ANKRD6: variants seen among roughly 807,000 people sequenced by gnomAD.
The protein encoded by ANKRD6 is ankyrin repeat domain 6.
Under a neutral mutation model 82.3 loss-of-function variants are expected in ANKRD6, and 56 were observed. The ratio of observed to expected loss-of-function variants is 0.68; its 90% CI spans 0.55 to 0.85. The LOEUF (loss-of-function observed/expected upper bound fraction) is 0.85, where lower values mean the gene tolerates loss of function less well. Ranked by LOEUF, ANKRD6 falls within the 40% of genes least tolerant of loss-of-function variation. ANKRD6 has a pLI of 0.00. For synonymous variants in ANKRD6, 347 were observed against 352.1 expected (o/e 0.99, Z 0.16); for missense variants, 852 against 907.6 (o/e 0.94, Z 0.79).
At chr6:89,466,714 G>A (rs1435174341) in intron 1 of ANKRD6, among the ~76,000 whole-genome samples, 1 of 151,712 alleles carries the variant, frequency 6.6e-6, no homozygotes, top group African/African-American at 2.4e-5. Flanking sequence ...TGTTTGTTTG[G>A]TTTGTTTTTT....
At chr6:89,465,080 G>A (rs1774674325) in intron 1 of ANKRD6, among the ~76,000 whole-genome samples, 1 of 151,296 alleles carries the variant, frequency 6.6e-6, no homozygotes, top group Non-Finnish European at 1.5e-5. Flanking sequence ...TTAAGAATTT[G>A]TAGTGCATGT....
At chr6:89,471,829 G>A (rs560030657) in intron 1 of ANKRD6, among the ~76,000 whole-genome samples, 89 of 151,086 alleles carry the variant, frequency 5.9e-4, no homozygotes, top group Non-Finnish European at 8.3e-4. Context: ...AGATAGAGAA[G>A]GAGGGAGGCC....
chr6:89,509,457 G>A (rs967381340), intron 1 of ANKRD6, among the ~76,000 whole-genome samples: 2 of 152,118 alleles, frequency 1.3e-5, no homozygotes, highest in Admixed American at 1.3e-4. Context: ...GAAGCCAAGG[G>A]ACTGGACAAC....
At chr6:89,554,318 C>T (rs1336584278) in intron 1 of ANKRD6, among the ~76,000 whole-genome samples, 3 of 152,146 alleles carry the variant, frequency 2.0e-5, no homozygotes, top group Non-Finnish European at 2.9e-5. Context: ...CCATATCACT[C>T]CATTCTCTGC....
Position 89,630,802 on chromosome 6 carries a change from C to A in ANKRD6, c.1982C>A (p.Thr661Asn). Residue 661 changes from threonine (T) to asparagine (N), a missense_variant, in exon 16 of 16, where the codon ACC (threonine) becomes AAC (asparagine). By Grantham distance (65) the Thr-to-Asn change is moderately conservative (BLOSUM62 0). Coordinates refer to ENST00000339746, the MANE Select transcript of ANKRD6 (RefSeq NM_001242809.2). ...CAGACTGGCCCTCACATTCGGGACA[C>A]CTCCCAAGCTCTGGAGCTTACCCAG... Reference protein sequence around the residue: ...SEQTGPHIRDTSQALELTQYF... With the variant: ...SEQTGPHIRDNSQALELTQYF... The A allele has an allele frequency of 6.2e-7, 1 of 1,613,960 alleles. No homozygotes were observed. Among genetic ancestry groups the A allele is most frequent in the Non-Finnish European group, 8.5e-7 (1 of 1,179,896 alleles).
chr6:89,547,315 T>G (rs1785227966), intron 1 of ANKRD6, among the ~76,000 whole-genome samples: 1 of 152,236 alleles, frequency 6.6e-6, no homozygotes, highest in Non-Finnish European at 1.5e-5. Flanking sequence ...CCCTTTCTGC[T>G]GCTACCTCCA....
At chr6:89,522,002 A>G (rs73752768) in intron 1 of ANKRD6, among the ~76,000 whole-genome samples, 1 of 152,308 alleles carries the variant, frequency 6.6e-6, no homozygotes, top group African/African-American at 2.4e-5. Context: ...TCCAATATAA[A>G]TTATTTGGCC....
At chr6:89,623,755 A>G (rs1421258449) in intron 11 of ANKRD6, 117 bp from the exon 12 acceptor site, 1 of 1,277,932 alleles carries the variant, frequency 7.8e-7, no homozygotes, top group East Asian at 2.5e-5. Context: ...GTAGGACACC[A>G]TGAGGTGAAA....
chr6:89,525,311 G>T (rs976757902), intron 1 of ANKRD6, among the ~76,000 whole-genome samples: 5 of 103,492 alleles, frequency 4.8e-5, no homozygotes, highest in Admixed American at 2.7e-4. Flanking sequence ...AAAAAAAAAA[G>T]AGTGCCTGTG....
chr6:89,629,504 A>G (rs1236981879), intron 15 of ANKRD6: 1 of 454,742 alleles, frequency 2.2e-6, no homozygotes, highest in African/African-American at 2.0e-5. Context: ...CCTTGAGTAC[A>G]GTGTTGATAG....
In ANKRD6 at chr6:89,624,659, C is replaced by T. The variant is rs1465879767; in HGVS notation, c.1339C>T (p.Leu447=). 5 of 1,599,708 alleles carry T rather than the reference C, an allele frequency of 3.1e-6. No individual in the cohort carries two copies. Among genetic ancestry groups the T allele is most frequent in the Admixed American group, 3.4e-5 (2 of 58,182 alleles). ...GGTTCAGGACAAAATGAATACAAAG[C>T]TGGGGCAGATGGAGAATAAGACCCA... is the stretch of plus-strand genomic sequence containing the variant. ...GSVQDKMNTK[L]GQMENKTQHQ... Residue 447 remains leucine, a synonymous_variant, in exon 13 of 16, where the codon CTG becomes TTG. Transcript: ENST00000339746.
At chr6:89,628,094 A>G (rs68145640) in intron 14 of ANKRD6, among the ~76,000 whole-genome samples, 21,551 of 152,136 alleles carry the variant, frequency 0.14, 1,777 homozygotes, top group South Asian at 0.18. Flanking sequence ...TTTCTAAGCA[A>G]CCAGAAGTAC....
At chr6:89,630,293 A>G in intron 15 of ANKRD6, 140 bp from the exon 16 acceptor site, 1 of 983,846 alleles carries the variant, frequency 1.0e-6, no homozygotes, top group Non-Finnish European at 1.5e-6. Flanking sequence ...AAAGGCTCAG[A>G]GGAGACGTTA....
At chr6:89,535,346 A>G (rs770163635) in intron 1 of ANKRD6, among the ~76,000 whole-genome samples, 4 of 152,160 alleles carry the variant, frequency 2.6e-5, no homozygotes, top group Non-Finnish European at 4.4e-5. Context: ...GGAAAAATAT[A>G]TATTTGGTTT....
At chr6:89,572,705 GT>G (rs1321368833) in intron 2 of ANKRD6, among the ~76,000 whole-genome samples, 1 of 152,098 alleles carries the variant, frequency 6.6e-6, no homozygotes, top group Non-Finnish European at 1.5e-5. Flanking sequence ...ATAGTGTAAG[GT>G]AAGGGTCCAT....
chr6:89,616,410 C>A, intron 7 of ANKRD6, 149 bp from the exon 8 acceptor site: 1 of 648,940 alleles, frequency 1.5e-6, no homozygotes, highest in Admixed American at 2.8e-5. Context: ...TTAAGTAGAG[C>A]CTCATAACGC....
chr6:89,483,195 C>T lies in ANKRD6; in HGVS notation c.-144+49820C>T, dbSNP rs538874183. Among the ~76,000 whole-genome samples, 123 of 152,314 alleles carry T rather than the reference C, an allele frequency of 8.1e-4. 1 individual carries two copies. The highest frequency in any genetic ancestry group is 2.9e-3 in the African/African-American group (120 of 41,568). ...AGTGTCCTTGGATGACTTGAAAAGC[C>T]CGCCTGGTAGATTGCTGATGTATTT... On this transcript the variant is annotated intron_variant, in intron 1 of 15. Coordinates refer to ENST00000339746, the MANE Select transcript of ANKRD6 (RefSeq NM_001242809.2).
chr6:89,617,468 A>T (rs886216891), intron 8 of ANKRD6, among the ~76,000 whole-genome samples: 3 of 152,190 alleles, frequency 2.0e-5, no homozygotes, highest in Non-Finnish European at 4.4e-5. Flanking sequence ...TGCTTTTCAT[A>T]TTCAACTTCC....
intron 2 of ANKRD6, among the ~76,000 whole-genome samples, chr6:89,579,874 A>G (rs965243294): frequency 6.6e-6 from 1 of 151,474 alleles, no homozygotes; most frequent in Non-Finnish European, 1.5e-5. Context: ...TAAAATTTAT[A>G]TGGAATGCAG....
Sources: allele counts gnomAD v4.1 joint callset (sites outside exome capture counted in the v4.1 genomes callset), GRCh38; gene constraint gnomAD v4.1.1; transcripts MANE v1.5; gene names NCBI Gene and HGNC (gene_info 2026-07-23, HGNC 2026-07-21).